The following CAP2 variants were observed in gnomAD, a reference collection of about 807,000 sequenced individuals.
The protein encoded by CAP2 is cyclase associated actin cytoskeleton regulatory protein 2.
CAP2 carries 24 observed loss-of-function variants against 57.7 expected under a neutral mutation model. The observed-to-expected ratio is 0.42, with a 90% confidence interval of 0.30 to 0.58. The LOEUF (loss-of-function observed/expected upper bound fraction) is 0.58. CAP2 is among the 20% of genes least tolerant of loss of function. CAP2 has a pLI of 0.22. For synonymous variants in CAP2, 194 were observed against 207.2 expected (o/e 0.94, Z 0.55); for missense variants, 501 against 590.3 (o/e 0.85, Z 1.57).
chr6:17,496,852 C>T (rs769520070), intron 4 of CAP2, among the ~76,000 whole-genome samples: 3 of 152,160 alleles, frequency 2.0e-5, no homozygotes, highest in South Asian at 2.1e-4. Context: ...ATTTCAGCCA[C>T]GTTCTACATA....
chr6:17,514,112 C>G (rs937922686), intron 7 of CAP2, among the ~76,000 whole-genome samples, 158 bp downstream of exon 7: 1 of 152,114 alleles, frequency 6.6e-6, no homozygotes, highest in African/African-American at 2.4e-5. Context: ...GCCTGTAATC[C>G]CAGCACTTTG....
At chr6:17,497,779 A>G (rs1234567041) in intron 4 of CAP2, among the ~76,000 whole-genome samples, 2 of 152,208 alleles carry the variant, frequency 1.3e-5, no homozygotes, top group Non-Finnish European at 2.9e-5. Context: ...CTCTGACTGG[A>G]CTGTTAGCTT....
chr6:17,444,590 G>A (rs576326664), intron 3 of CAP2, among the ~76,000 whole-genome samples: 3 of 142,936 alleles, frequency 2.1e-5, no homozygotes, highest in Non-Finnish European at 4.5e-5. Context: ...GCAGTGAGCC[G>A]AGATCGCGCC....
In CAP2 at chr6:17,480,771, T is replaced by G. The variant is rs1020251245; in HGVS notation, c.300+17698T>G. On this transcript the variant is annotated intron_variant, in intron 4 of 12. Transcript: ENST00000229922. ...GACTTGGTGCTAAATGTGGTTTTTT[T>G]GGTTTTTTTTTTTTTTTTTTTGAGA... Among the ~76,000 whole-genome samples, 705 of 133,756 alleles carry G rather than the reference T, an allele frequency of 5.3e-3. 3 individuals carry two copies. The highest frequency in any genetic ancestry group is 8.5e-3 in the Non-Finnish European group (543 of 63,708). The allele number at this position is 133,756 out of a possible 152,430, so 87.7% of individuals were successfully genotyped here.
chr6:17,426,941 T>A (rs753376352), intron 3 of CAP2, among the ~76,000 whole-genome samples: 12 of 152,232 alleles, frequency 7.9e-5, no homozygotes, highest in Non-Finnish European at 1.6e-4. Flanking sequence ...CTACATCCTG[T>A]TCTCACAGAA....
At chr6:17,497,089 T>C (rs932047461) in intron 4 of CAP2, among the ~76,000 whole-genome samples, 7 of 152,196 alleles carry the variant, frequency 4.6e-5, no homozygotes, top group African/African-American at 1.7e-4. Context: ...GAATGAAAAA[T>C]GAATTGCAGT....
At chr6:17,426,415 T>C (rs531743554) in intron 2 of CAP2, among the ~76,000 whole-genome samples, 175 bp from the exon 3 acceptor site, 1 of 152,110 alleles carries the variant, frequency 6.6e-6, no homozygotes, top group East Asian at 2.0e-4. Flanking sequence ...TTTGTATTTT[T>C]AGTAGAGACG....
At chr6:17,504,378 G>A (rs1362458886) in intron 4 of CAP2, among the ~76,000 whole-genome samples, 2 of 152,202 alleles carry the variant, frequency 1.3e-5, no homozygotes, top group Non-Finnish European at 2.9e-5. Context: ...ACACTGTGGA[G>A]CAAGGATTTG....
intron 3 of CAP2, among the ~76,000 whole-genome samples, chr6:17,439,043 G>A (rs891925929): frequency 2.7e-5 from 4 of 150,684 alleles, no homozygotes; most frequent in Admixed American, 6.6e-5. Context: ...CCCAGGAGCC[G>A]GAGGTTGCAA....
At chr6:17,463,319 G>A (rs73375206) in intron 4 of CAP2, among the ~76,000 whole-genome samples, 7,657 of 149,112 alleles carry the variant, frequency 0.051, 663 homozygotes, top group African/African-American at 0.18. Context: ...AAGAAAAAAA[G>A]CAATGTGTCT....
chr6:17,417,770 C>T (rs1240193819), intron 1 of CAP2, among the ~76,000 whole-genome samples: 2 of 152,176 alleles, frequency 1.3e-5, no homozygotes, highest in African/African-American at 4.8e-5. Flanking sequence ...AACCCAGTCT[C>T]TTCATTCTCC....
chr6:17,442,866 C>T (rs111337011), intron 3 of CAP2, among the ~76,000 whole-genome samples: 1,531 of 151,974 alleles, frequency 0.01, 27 homozygotes, highest in African/African-American at 0.034. Flanking sequence ...TACAGATGTG[C>T]GCCACCATGC....
intron 11 of CAP2, among the ~76,000 whole-genome samples, chr6:17,547,581 C>T (rs1009790121): frequency 3.3e-5 from 5 of 152,182 alleles, no homozygotes; most frequent in Admixed American, 6.5e-5. Flanking sequence ...GTGGCTCACG[C>T]CTGTAATCCC....
At chr6:17,525,372 G>A (rs11962173) in intron 7 of CAP2, among the ~76,000 whole-genome samples, 1,674 of 151,704 alleles carry the variant, frequency 0.011, 38 homozygotes, top group African/African-American at 0.038. Context: ...TTGAACCTGC[G>A]AGGCGGTTGA....
intron 11 of CAP2, 49 bp from the exon 12 acceptor site, chr6:17,551,415 G>T (rs1400824760): frequency 1.4e-6 from 2 of 1,465,058 alleles, no homozygotes; most frequent in Admixed American, 1.9e-5. Flanking sequence ...CGAGGGCATT[G>T]TTATTTCTGT....
intron 3 of CAP2, among the ~76,000 whole-genome samples, chr6:17,436,120 TC>T: frequency 6.7e-6 from 1 of 149,008 alleles, no homozygotes; most frequent in Non-Finnish European, 1.5e-5. Flanking sequence ...CTTCCTTCCT[TC>T]CCTCCTTCCT....
intron 3 of CAP2, among the ~76,000 whole-genome samples, chr6:17,432,693 T>C (rs879602707): frequency 6.6e-5 from 10 of 151,006 alleles, no homozygotes; most frequent in Admixed American, 1.3e-4. Context: ...AAAAGTCATC[T>C]ATTCCAGTTA....
At chr6:17,535,162 G>A (rs1234848941) in intron 7 of CAP2, among the ~76,000 whole-genome samples, 2 of 152,174 alleles carry the variant, frequency 1.3e-5, no homozygotes, top group African/African-American at 4.8e-5. Flanking sequence ...AACTGAGCCA[G>A]ATATTGCACC....
intron 3 of CAP2, among the ~76,000 whole-genome samples, chr6:17,458,175 A>T (rs1187026356): frequency 1.3e-5 from 2 of 152,230 alleles, no homozygotes; most frequent in Non-Finnish European, 2.9e-5. Flanking sequence ...TCATAATGTC[A>T]TAATGGCCTC....
Sources: allele counts gnomAD v4.1 joint callset (sites outside exome capture counted in the v4.1 genomes callset), GRCh38; gene constraint gnomAD v4.1.1; transcripts MANE v1.5; gene names NCBI Gene and HGNC (gene_info 2026-07-23, HGNC 2026-07-21).